DTNA: variants seen among roughly 807,000 people sequenced by gnomAD.
The protein encoded by DTNA is dystrobrevin alpha, also known as dystrophin-related protein 3.
In DTNA, 43 loss-of-function variants were observed where a neutral mutation model predicts 100.7. The ratio of observed to expected loss-of-function variants is 0.43; its 90% CI spans 0.33 to 0.55. DTNA has a LOEUF of 0.55. Ranked by LOEUF, DTNA falls within the 20% of genes least tolerant of loss-of-function variation. DTNA has a pLI of 0.04. For missense variants in DTNA, 798 were observed against 953.9 expected (o/e 0.84, Z 2.15); for synonymous variants, 349 against 347.9 (o/e 1.00, Z -0.04).
chr18:34,684,646 C>G (rs2078613632), intron 1 of DTNA, among the ~76,000 whole-genome samples: 1 of 152,090 alleles, frequency 6.6e-6, no homozygotes, highest in Non-Finnish European at 1.5e-5. Context: ...GACTTATAAT[C>G]CTTTGGGTAT....
rs370642396 is a variant in DTNA, at chr18:34,800,792, C to G, written c.363-5427C>G. Among the ~76,000 whole-genome samples the G allele has an allele frequency of 3.3e-5, 5 of 152,132 alleles. No individual in the cohort carries two copies. In the East Asian group the frequency reaches 7.7e-4, roughly 23 times the overall value. ...CAAACAGGAAACCCTGTTGGCAATT[C>G]GGAGACAATTTACCTCCTGTACTTA... On this transcript the variant is annotated intron_variant, in intron 4 of 22. Coordinates refer to ENST00000444659, the MANE Select transcript of DTNA (RefSeq NM_001386795.1).
intron 13 of DTNA, among the ~76,000 whole-genome samples, chr18:34,841,918 A>G (rs1049094035): frequency 1.3e-5 from 2 of 152,200 alleles, no homozygotes; most frequent in African/African-American, 4.8e-5. Context: ...TGCTAAAGAA[A>G]CACTTATGTC....
At chr18:34,774,280 C>T (rs914005758) in intron 3 of DTNA, among the ~76,000 whole-genome samples, 2 of 152,248 alleles carry the variant, frequency 1.3e-5, no homozygotes, top group Non-Finnish European at 2.9e-5. Context: ...GGCTTGGAGC[C>T]AGTCAGCAGA....
chr18:34,745,299 CT>C (rs1458285215), intron 1 of DTNA, among the ~76,000 whole-genome samples: 3 of 152,086 alleles, frequency 2.0e-5, no homozygotes, highest in Non-Finnish European at 4.4e-5. Context: ...CAATACTGCA[CT>C]TTCACTCTCT....
intron 8 of DTNA, chr18:34,818,755 A>G: frequency 1.6e-6 from 1 of 622,892 alleles, no homozygotes; most frequent in Non-Finnish European, 2.1e-6. Context: ...TGACTAGAAT[A>G]TTAAAGAAAC....
At chr18:34,745,166 A>AT (rs968286709) in intron 1 of DTNA, among the ~76,000 whole-genome samples, 5 of 152,066 alleles carry the variant, frequency 3.3e-5, no homozygotes, top group East Asian at 1.9e-4. Context: ...CAGAAGTCTG[A>AT]TTTTTTGTCC....
intron 2 of DTNA, among the ~76,000 whole-genome samples, chr18:34,764,450 C>A (rs1038159625): frequency 6.6e-6 from 1 of 152,192 alleles, no homozygotes; most frequent in Non-Finnish European, 1.5e-5. Context: ...CTCTTGAGAA[C>A]ATTTCTAAGG....
chr18:34,562,140 A>C (rs16959989), intron 1 of DTNA, among the ~76,000 whole-genome samples: 15,431 of 152,246 alleles, frequency 0.1, 1,153 homozygotes, highest in African/African-American at 0.2. Context: ...ACATTTATGT[A>C]TTCCAAACTG....
chr18:34,622,530 C>T (rs565292829), intron 1 of DTNA, among the ~76,000 whole-genome samples: 7 of 152,194 alleles, frequency 4.6e-5, no homozygotes, highest in South Asian at 2.1e-4. Context: ...AAGGTGTTTC[C>T]GGAGAAGATT....
intron 1 of DTNA, among the ~76,000 whole-genome samples, chr18:34,581,371 G>A (rs1319004868): frequency 6.6e-6 from 1 of 152,208 alleles, no homozygotes; most frequent in African/African-American, 2.4e-5. Flanking sequence ...GTGTCCTCAG[G>A]AGTGACAACA....
At chr18:34,603,274 C>G (rs911067791) in intron 1 of DTNA, among the ~76,000 whole-genome samples, 1 of 151,612 alleles carries the variant, frequency 6.6e-6, no homozygotes, top group Non-Finnish European at 1.5e-5. Flanking sequence ...AAATAAATAC[C>G]TCTAGTACAT....
intron 1 of DTNA, among the ~76,000 whole-genome samples, chr18:34,531,561 C>T (rs568227328): frequency 2.0e-5 from 3 of 152,206 alleles, no homozygotes; most frequent in Admixed American, 2.0e-4. Flanking sequence ...TTAACTATCA[C>T]TTCATTCATT....
At chr18:34,578,260 A>G (rs1222627781) in intron 1 of DTNA, among the ~76,000 whole-genome samples, 1 of 152,038 alleles carries the variant, frequency 6.6e-6, no homozygotes, top group Non-Finnish European at 1.5e-5. Flanking sequence ...TTTGTTGGCC[A>G]TTTGTATATC....
intron 1 of DTNA, among the ~76,000 whole-genome samples, chr18:34,533,389 G>A (rs1270839093): frequency 2.1e-4 from 31 of 145,624 alleles, no homozygotes; most frequent in African/African-American, 7.2e-4. Flanking sequence ...AAAAAAAAAA[G>A]TACAGAGTGG....
intron 1 of DTNA, among the ~76,000 whole-genome samples, chr18:34,506,074 G>A (rs931836098): frequency 2.0e-4 from 31 of 152,342 alleles, no homozygotes; most frequent in Admixed American, 1.6e-3. Flanking sequence ...TCACATTACT[G>A]TAGGGCAAAG....
chr18:34,808,016 G>A (rs1007957807), intron 5 of DTNA, among the ~76,000 whole-genome samples: 1 of 151,926 alleles, frequency 6.6e-6, no homozygotes, highest in African/African-American at 2.4e-5. Flanking sequence ...GGCCATTTAC[G>A]AAGAGGACAT....
intron 3 of DTNA, among the ~76,000 whole-genome samples, chr18:34,778,596 A>T (rs746127437): frequency 6.6e-6 from 1 of 152,158 alleles, no homozygotes; most frequent in African/African-American, 2.4e-5. Flanking sequence ...TTTTTTTAAT[A>T]TCCTGGAAAT....
intron 1 of DTNA, among the ~76,000 whole-genome samples, chr18:34,722,986 A>G (rs1053527524): frequency 1.3e-5 from 2 of 152,210 alleles, no homozygotes; most frequent in African/African-American, 4.8e-5. Context: ...TAAAGCTACT[A>G]TGAACATTCA....
At chr18:34,596,180 A>C (rs1362765590) in intron 1 of DTNA, among the ~76,000 whole-genome samples, 1 of 152,048 alleles carries the variant, frequency 6.6e-6, no homozygotes, top group Non-Finnish European at 1.5e-5. Context: ...CCATCTTACT[A>C]AAGGCTCTTT....
Sources: allele counts gnomAD v4.1 joint callset (sites outside exome capture counted in the v4.1 genomes callset), GRCh38; gene constraint gnomAD v4.1.1; transcripts MANE v1.5; gene names NCBI Gene and HGNC (gene_info 2026-07-23, HGNC 2026-07-21).